Variants in GALNT2 observed in about 807,000 individuals in gnomAD.
GALNT2 encodes UDP-GalNAc:polypeptide N-acetylgalactosaminyltransferase 2.
Under a neutral mutation model 81.4 loss-of-function variants are expected in GALNT2, and 31 were observed. The observed-to-expected ratio is 0.38, with a 90% CI of 0.29 to 0.51. GALNT2 has a LOEUF of 0.51. Among genes scored for constraint, GALNT2 ranks in the 20% least tolerant of loss-of-function variants. The pLI is 0.87. For missense variants in GALNT2, 629 were observed against 765.7 expected (o/e 0.82, Z 2.11); for synonymous variants, 303 against 287.4 (o/e 1.05, Z -0.55).
At chr1:230,171,491 T>C (rs1431067022) in intron 1 of GALNT2, among the ~76,000 whole-genome samples, 3 of 152,218 alleles carry the variant, frequency 2.0e-5, no homozygotes, top group Non-Finnish European at 4.4e-5. Flanking sequence ...GGGAATCAAG[T>C]AGTCATTCAG....
chr1:230,136,810 C>T (rs1661563322), intron 1 of GALNT2, among the ~76,000 whole-genome samples: 1 of 152,204 alleles, frequency 6.6e-6, no homozygotes, highest in Non-Finnish European at 1.5e-5. Flanking sequence ...AGCTCAATGG[C>T]ATTTATCTGG....
intron 1 of GALNT2, among the ~76,000 whole-genome samples, chr1:230,088,342 T>TC (rs1215828527): frequency 6.6e-6 from 1 of 152,200 alleles, no homozygotes; most frequent in East Asian, 1.9e-4. Flanking sequence ...AATCTTGTAA[T>TC]ATTTGTCCTT....
chr1:230,162,911 G>A (rs1357725318), intron 1 of GALNT2, among the ~76,000 whole-genome samples: 1 of 152,172 alleles, frequency 6.6e-6, no homozygotes, highest in Non-Finnish European at 1.5e-5. Flanking sequence ...TTGAACTTAA[G>A]CATGAGAATG....
chr1:230,227,300 G>A (rs1335693210), intron 3 of GALNT2, among the ~76,000 whole-genome samples: 1 of 151,872 alleles, frequency 6.6e-6, no homozygotes, highest in Non-Finnish European at 1.5e-5. Flanking sequence ...AGAAAAGGAG[G>A]AAAGCTACCC....
intron 13 of GALNT2, chr1:230,263,400 C>G (rs1045219451): frequency 1.5e-5 from 3 of 196,202 alleles, no homozygotes; most frequent in Non-Finnish European, 3.1e-5. Flanking sequence ...TCGATCCCCC[C>G]GCCAGGCGCC....
chr1:230,157,833 C>A (rs1422468577), intron 1 of GALNT2, among the ~76,000 whole-genome samples: 1 of 152,154 alleles, frequency 6.6e-6, no homozygotes, highest in Non-Finnish European at 1.5e-5. Context: ...AGAGAGTTAA[C>A]TACAAATGTA....
Position 230,281,077 on chromosome 1 carries a change from G to C in GALNT2, c.*1619G>C, listed in dbSNP as rs540530612. The C allele has an allele frequency of 6.6e-6, 1 of 152,316 alleles. No individual in the cohort carries two copies. The highest frequency in any genetic ancestry group is 6.5e-5 in the Admixed American group (1 of 15,276). The allele number at this position is 152,316 out of a possible 1,614,324, so 9.4% of individuals were successfully genotyped here. ...AAGCGTCAGTTAGGCACACCTGCAG[G>C]CCCCTCGGTGGGACAGCGGCGGCCT... On this transcript the variant is annotated 3_prime_UTR_variant, in exon 16 of 16. Transcript: ENST00000366672.
At position 230,275,007 on chromosome 1, in the gene GALNT2, C is replaced by T. The variant is rs112599654; in HGVS notation, c.1560+443C>T. On this transcript the variant is annotated intron_variant, in intron 15 of 15. Transcript: ENST00000366672. The surrounding 1 kb of genome is among the most constrained non-coding windows in gnomAD (Gnocchi z 5.5). ...GCTACATATATACATATATACATGC[C>T]ACATATATACATATATACACGCCAC... is the stretch of plus-strand genomic sequence containing the variant. 4.3e-5 allele frequency among the ~76,000 whole-genome samples: 6 copies of T among 138,930 alleles called. No individual in the cohort carries two copies. Among genetic ancestry groups the T allele is most frequent in the Admixed American group, 1.4e-4 (2 of 13,864 alleles). The allele number at this position is 138,930 out of a possible 152,430, so 91.1% of individuals were successfully genotyped here. A position where few individuals can be genotyped will look rare whatever the true frequency, so the allele number is the denominator to read the frequency against.
At chr1:230,264,562 C>G (rs1382282482) in intron 13 of GALNT2, 1 of 152,336 alleles carries the variant, frequency 6.6e-6, no homozygotes, top group Non-Finnish European at 1.5e-5. Flanking sequence ...TGTTTTGTGT[C>G]TGTAATATCA....
In GALNT2 at chr1:230,275,126, A is replaced by G. The variant is rs1452603672; in HGVS notation, c.1560+562A>G. 6.7e-6 allele frequency among the ~76,000 whole-genome samples: 1 copy of G among 150,316 alleles called. No homozygotes were observed. Among genetic ancestry groups the G allele is most frequent in the Admixed American group, 6.6e-5 (1 of 15,124 alleles). ...ACACACCACATATATATACATATAT[A>G]TACACACCACATATACATATATACA... is the stretch of plus-strand genomic sequence containing the variant. On this transcript the variant is annotated intron_variant, in intron 15 of 15. Coordinates refer to ENST00000366672, the MANE Select transcript of GALNT2 (RefSeq NM_004481.5). This position sits in a 1 kb window ranked among gnomAD's most constrained non-coding sequence, Gnocchi z 5.5.
intron 3 of GALNT2, among the ~76,000 whole-genome samples, chr1:230,207,052 T>G (rs931833302): frequency 6.6e-6 from 1 of 151,734 alleles, no homozygotes; most frequent in Non-Finnish European, 1.5e-5. Context: ...CACTGTGTAT[T>G]TTACTTATTT....
At chr1:230,097,405 C>A (rs767081082) in intron 1 of GALNT2, among the ~76,000 whole-genome samples, 2 of 152,164 alleles carry the variant, frequency 1.3e-5, no homozygotes, top group Non-Finnish European at 2.9e-5. Flanking sequence ...AACTCCCACT[C>A]CCCACTCTCC....
At chr1:230,200,034 T>G (rs1290992653) in intron 2 of GALNT2, among the ~76,000 whole-genome samples, 1 of 151,892 alleles carries the variant, frequency 6.6e-6, no homozygotes, top group Non-Finnish European at 1.5e-5. Flanking sequence ...GATACATTTA[T>G]TAGTATGGTC....
At chr1:230,211,023 T>TA (rs1189903053) in intron 3 of GALNT2, among the ~76,000 whole-genome samples, 2 of 152,188 alleles carry the variant, frequency 1.3e-5, no homozygotes, top group Admixed American at 6.5e-5. Flanking sequence ...GTTTTCTTTT[T>TA]AGGGGGGCAG....
intron 3 of GALNT2, among the ~76,000 whole-genome samples, chr1:230,223,240 T>G (rs962558390): frequency 6.6e-5 from 10 of 151,512 alleles, no homozygotes; most frequent in African/African-American, 1.9e-4. Flanking sequence ...TTGCCCAGGC[T>G]GTCCTTGAAC....
intron 2 of GALNT2, among the ~76,000 whole-genome samples, chr1:230,195,843 G>A (rs1279147208): frequency 6.9e-6 from 1 of 144,888 alleles, no homozygotes; most frequent in Non-Finnish European, 1.5e-5. Context: ...AGACCTGGAC[G>A]TGAGTTTGGG....
intron 1 of GALNT2, among the ~76,000 whole-genome samples, chr1:230,101,356 A>G (rs11122316): frequency 0.42 from 64,484 of 152,094 alleles, 13,875 homozygotes; most frequent in South Asian, 0.61. Flanking sequence ...TTCTTCCTTC[A>G]AGGGGACAGG....
intron 1 of GALNT2, chr1:230,091,602 G>T (rs1660084267): frequency 6.6e-6 from 1 of 152,208 alleles, no homozygotes. Flanking sequence ...CAGACTCTGT[G>T]CTCTGTTCTG....
chr1:230,221,565 C>G (rs1190934633), intron 3 of GALNT2, among the ~76,000 whole-genome samples: 1 of 152,170 alleles, frequency 6.6e-6, no homozygotes, highest in Non-Finnish European at 1.5e-5. Flanking sequence ...CTTCATCTAG[C>G]TTTGGCTTCA....
Sources: allele counts gnomAD v4.1 joint callset (sites outside exome capture counted in the v4.1 genomes callset), GRCh38; gene constraint gnomAD v4.1.1; non-coding constraint Gnocchi (gnomAD v3.1); transcripts MANE v1.5; gene names NCBI Gene and HGNC (gene_info 2026-07-23, HGNC 2026-07-21).